The following EML1 variants were observed in gnomAD, a reference collection of about 807,000 sequenced individuals.
EML1 encodes echinoderm microtubule-associated protein-like 1.
A neutral mutation model predicts 110.4 loss-of-function variants in EML1; 27 were observed. The ratio of observed to expected loss-of-function variants is 0.24; its 90% CI spans 0.18 to 0.34. The LOEUF (loss-of-function observed/expected upper bound fraction) is 0.34. EML1 is among the 10% of genes least tolerant of loss of function. The pLI, the probability that EML1 is intolerant of heterozygous loss-of-function variation, is 1.00. For synonymous variants in EML1, 344 were observed against 385.8 expected (o/e 0.89, Z 1.27); for missense variants, 741 against 1,030.9 (o/e 0.72, Z 3.85).
At chr14:99,915,697 A>G (rs72710058) in intron 15 of EML1, among the ~76,000 whole-genome samples, 3,248 of 152,254 alleles carry the variant, frequency 0.021, 50 homozygotes, top group Non-Finnish European at 0.029. Flanking sequence ...AGCTAGTGTT[A>G]GAACCCAGCT....
intron 1 of EML1, among the ~76,000 whole-genome samples, chr14:99,803,756 C>T (rs1348041218): frequency 6.6e-6 from 1 of 152,142 alleles, no homozygotes; most frequent in Non-Finnish European, 1.5e-5. Context: ...TTAAATCGCC[C>T]CCCAAAAAGT....
chr14:99,857,221 G>A (rs1456715726), intron 2 of EML1, among the ~76,000 whole-genome samples: 1 of 151,872 alleles, frequency 6.6e-6, no homozygotes. Flanking sequence ...GCAGTGAGCC[G>A]AGGTCACACA....
At chr14:99,777,576 A>C (rs8008298) in intron 1 of EML1, among the ~76,000 whole-genome samples, 47,082 of 151,784 alleles carry the variant, frequency 0.31, 9,857 homozygotes, top group African/African-American at 0.6. Flanking sequence ...CCTGCCACCA[A>C]GCCCAGCTGA....
Position 99,898,220 on chromosome 14 carries a change from A to G in EML1, c.828-13A>G. Reference sequence around the variant, plus strand: ...TGCAACATGTAGATGTTTTGTAAATATCCTTTTCTTAGCCTAGCAGTTCAT... The same window carrying G: ...TGCAACATGTAGATGTTTTGTAAATGTCCTTTTCTTAGCCTAGCAGTTCAT... On this transcript the variant is annotated splice_polypyrimidine_tract_variant and intron_variant, in intron 7 of 21. Coordinates refer to ENST00000262233, the MANE Select transcript of EML1 (RefSeq NM_004434.3). The G allele has an allele frequency of 1.9e-6, 3 of 1,582,424 alleles. No individual in the cohort carries two copies. The highest frequency in any genetic ancestry group is 2.6e-6 in the Non-Finnish European group (3 of 1,161,430).
At chr14:99,935,074 G>A (rs1039168251) in intron 17 of EML1, among the ~76,000 whole-genome samples, 1 of 152,214 alleles carries the variant, frequency 6.6e-6, no homozygotes, top group African/African-American at 2.4e-5. Flanking sequence ...GGAGCAACGT[G>A]GCTAGAAGGC....
chr14:99,904,093 A>G (rs2059805074), intron 9 of EML1, among the ~76,000 whole-genome samples: 1 of 152,102 alleles, frequency 6.6e-6, no homozygotes, highest in African/African-American at 2.4e-5. Flanking sequence ...AATGTATTCA[A>G]TTTTAATCAC....
At position 99,939,141 on chromosome 14, in the gene EML1, A is replaced by ATGTGGCCC. The variant is rs2060529003; in HGVS notation, c.2192-47_2192-40dup. 18 of 1,601,864 alleles carry ATGTGGCCC rather than the reference A, an allele frequency of 1.1e-5. No individual in the cohort carries two copies. The East Asian group carries it at 3.6e-4, about 32-fold the overall frequency. On this transcript the variant is annotated intron_variant, in intron 20 of 21. Transcript: ENST00000262233. The surrounding 1 kb of genome is among the most constrained non-coding windows in gnomAD (Gnocchi z 4.2). ...CCGTTCAGTGGGCGCTTCCTGCGCCATGTGGCCCTGTGGCCCCTGGTGTTT... is the reference window on the plus strand; with the variant it reads ...CCGTTCAGTGGGCGCTTCCTGCGCCATGTGGCCCTGTGGCCCTGTGGCCCCTGGTGTTT...
intron 4 of EML1, among the ~76,000 whole-genome samples, chr14:99,890,659 T>C (rs2059570891): frequency 6.6e-6 from 1 of 152,202 alleles, no homozygotes; most frequent in Non-Finnish European, 1.5e-5. Context: ...GGGGTGTCCC[T>C]ACCTCTCCCA....
chr14:99,808,486 G>T (rs151053215), intron 1 of EML1, among the ~76,000 whole-genome samples: 1 of 152,280 alleles, frequency 6.6e-6, no homozygotes, highest in East Asian at 1.9e-4. Flanking sequence ...ATTACTGTAG[G>T]TTGGAGTCAG....
intron 1 of EML1, among the ~76,000 whole-genome samples, chr14:99,749,408 A>G (rs1054703318): frequency 6.6e-6 from 1 of 152,058 alleles, no homozygotes; most frequent in Non-Finnish European, 1.5e-5. Context: ...CTAGTGTCCA[A>G]TGGTGCTGAG....
intron 1 of EML1, among the ~76,000 whole-genome samples, chr14:99,742,986 T>C (rs2057060718): frequency 6.6e-6 from 1 of 152,140 alleles, no homozygotes. Context: ...CTCAGCAGCA[T>C]CCAGCGACCT....
intron 1 of EML1, among the ~76,000 whole-genome samples, chr14:99,815,134 CTTGGCT>C (rs2058145387): frequency 7.4e-6 from 1 of 135,982 alleles, no homozygotes; most frequent in Non-Finnish European, 1.5e-5. Flanking sequence ...ATCTGTGAGG[CTTGGCT>C]TTTTTTTTTT....
intron 1 of EML1, among the ~76,000 whole-genome samples, chr14:99,778,043 G>A (rs779048503): frequency 3.9e-5 from 6 of 152,128 alleles, no homozygotes; most frequent in South Asian, 2.1e-4. Flanking sequence ...CCTCAGCTTC[G>A]TGAAGTGTTG....
At chr14:99,924,438 C>T (rs1306749836) in intron 17 of EML1, among the ~76,000 whole-genome samples, 2 of 152,138 alleles carry the variant, frequency 1.3e-5, no homozygotes, top group Admixed American at 1.3e-4. Context: ...ATATACTTGC[C>T]TATGGCAAAG....
intron 4 of EML1, among the ~76,000 whole-genome samples, chr14:99,888,329 A>G (rs1331065734): frequency 1.3e-5 from 2 of 152,234 alleles, no homozygotes; most frequent in Non-Finnish European, 2.9e-5. Context: ...CAGGAAGAAC[A>G]TAGTTCATAA....
Position 99,940,276 on chromosome 14 carries a change from C to T in EML1, c.*164C>T, listed in dbSNP as rs1281992458. 9 of 896,268 alleles carry T rather than the reference C, an allele frequency of 1.0e-5. No homozygotes were observed. The highest frequency in any genetic ancestry group is 3.2e-5 in the East Asian group (1 of 31,726). The allele number at this position is 896,268 out of a possible 1,614,324, so 55.5% of individuals were successfully genotyped here. A position where few individuals can be genotyped will look rare whatever the true frequency, so the allele number is the denominator to read the frequency against. The stretch of plus-strand genomic sequence containing the variant: ...CTTAGCGTGTCAGCGGGCGCCACAG[C>T]GGATCAGCGGTTCCGTGTTCACTTT... On this transcript the variant is annotated 3_prime_UTR_variant, in exon 22 of 22. Transcript: ENST00000262233.
intron 1 of EML1, among the ~76,000 whole-genome samples, chr14:99,805,515 C>T (rs2057955100): frequency 6.6e-6 from 1 of 152,086 alleles, no homozygotes. Context: ...CAGTCTGTTG[C>T]CCAGGCTGGA....
intron 17 of EML1, among the ~76,000 whole-genome samples, chr14:99,933,073 C>T (rs999096407): frequency 1.4e-4 from 21 of 152,294 alleles, no homozygotes; most frequent in African/African-American, 4.3e-4. Flanking sequence ...TACTACTGCA[C>T]TTCAGCCTGG....
intron 1 of EML1, among the ~76,000 whole-genome samples, chr14:99,814,126 A>G (rs1315470562): frequency 2.6e-5 from 4 of 152,230 alleles, no homozygotes; most frequent in African/African-American, 9.6e-5. Context: ...ACACTAAAAC[A>G]TGAAAGGGTC....
Sources: gnomAD v4.1 joint callset for allele counts (sites outside exome capture counted in the v4.1 genomes callset) on GRCh38, gnomAD v4.1.1 for gene constraint, Gnocchi (gnomAD v3.1) non-coding constraint, MANE v1.5 for transcripts, NCBI Gene and HGNC (gene_info 2026-07-23, HGNC 2026-07-21) for gene names.